RELN: variants seen among roughly 807,000 people sequenced by gnomAD.
The protein encoded by RELN is reelin.
A neutral mutation model predicts 427.6 loss-of-function variants in RELN; 108 were observed. The observed-to-expected ratio is 0.25, with a 90% confidence interval of 0.22 to 0.30. The LOEUF is 0.30. Ranked by LOEUF, RELN falls within the 10% of genes least tolerant of loss-of-function variation. RELN has a pLI of 1.00. For synonymous variants in RELN, 1,524 were observed against 1,513.4 expected (o/e 1.01, Z -0.16); for missense variants, 3,715 against 4,302.8 (o/e 0.86, Z 3.82).
intron 46 of RELN, among the ~76,000 whole-genome samples, chr7:103,527,699 C>A (rs1163741059): frequency 6.6e-6 from 1 of 152,188 alleles, no homozygotes; most frequent in Non-Finnish European, 1.5e-5. Flanking sequence ...AAGCCAAGAC[C>A]CTTCCTTTAT....
At chr7:103,710,488 T>C (rs1028511693) in intron 8 of RELN, among the ~76,000 whole-genome samples, 1 of 152,232 alleles carries the variant, frequency 6.6e-6, no homozygotes, top group African/African-American at 2.4e-5. Flanking sequence ...ATAATGATGA[T>C]ACACTATTTA....
intron 10 of RELN, among the ~76,000 whole-genome samples, chr7:103,695,205 C>A (rs530705344): frequency 2.6e-5 from 4 of 152,194 alleles, no homozygotes; most frequent in Non-Finnish European, 5.9e-5. Context: ...AATCACTTGG[C>A]AAAAGCAATT....
intron 4 of RELN, among the ~76,000 whole-genome samples, chr7:103,762,541 C>A (rs2116138018): frequency 6.6e-6 from 1 of 152,332 alleles, no homozygotes; most frequent in South Asian, 2.1e-4. Context: ...CTGCAAATTC[C>A]TGTGAGTAGA....
chr7:103,598,199 G>A (rs1393707045), intron 24 of RELN, among the ~76,000 whole-genome samples: 1 of 152,076 alleles, frequency 6.6e-6, no homozygotes, highest in East Asian at 1.9e-4. Flanking sequence ...AATAAACAAG[G>A]GTGCTAGCAA....
At chr7:103,826,985 G>A (rs781454933) in intron 3 of RELN, among the ~76,000 whole-genome samples, 6 of 140,808 alleles carry the variant, frequency 4.3e-5, no homozygotes, top group Non-Finnish European at 9.2e-5. Flanking sequence ...GGAAGAGGTT[G>A]TTTTGCTATA....
At chr7:103,616,618 G>A (rs550187071) in intron 20 of RELN, among the ~76,000 whole-genome samples, 24 of 152,096 alleles carry the variant, frequency 1.6e-4, no homozygotes, top group Non-Finnish European at 3.5e-4. Flanking sequence ...GTACAGTTAT[G>A]TTTTGGTAAA....
intron 4 of RELN, among the ~76,000 whole-genome samples, chr7:103,764,189 C>T (rs899429299): frequency 1.3e-5 from 2 of 152,144 alleles, no homozygotes; most frequent in South Asian, 2.1e-4. Flanking sequence ...CTAACATCTA[C>T]GGAGTATGTG....
chr7:103,502,399 T>C (rs1434854589), intron 52 of RELN, among the ~76,000 whole-genome samples: 1 of 152,248 alleles, frequency 6.6e-6, no homozygotes, highest in Non-Finnish European at 1.5e-5. Context: ...TGTTATTTTC[T>C]TTTGTGTATC....
At chr7:103,744,441 C>CA (rs1193871727) in intron 6 of RELN, among the ~76,000 whole-genome samples, 3 of 151,812 alleles carry the variant, frequency 2.0e-5, no homozygotes, top group South Asian at 2.1e-4. Flanking sequence ...AATGGAGACA[C>CA]AAAAAAACCC....
intron 20 of RELN, among the ~76,000 whole-genome samples, chr7:103,619,878 G>C (rs1407986704): frequency 2.6e-5 from 4 of 151,200 alleles, no homozygotes; most frequent in African/African-American, 9.7e-5. Flanking sequence ...ATGTGTGTTT[G>C]TGTGTGTGTG....
At position 103,561,865 on chromosome 7, in the gene RELN, C is replaced by T. The variant is rs774259446; in HGVS notation, c.5299G>A (p.Gly1767Arg). 6.2e-7 allele frequency: 1 copy of T among 1,613,270 alleles called. No individual in the cohort carries two copies. ...CGTCCTGAGCACATCCAAGGGCACC[C>T]TGAGGCCAGTACAACATTATCAATC... ...WAIDNVVLAS[G>R]CPWMCSGRGI... The change falls in exon 35 of 65, where the codon GGG (glycine) becomes AGG (arginine). Residue 1767 changes from glycine to arginine, a missense_variant. By Grantham distance (125) the Gly-to-Arg change is moderately radical. Transcript: ENST00000428762.
At chr7:103,862,784 CTG>C (rs1794102776) in intron 2 of RELN, among the ~76,000 whole-genome samples, 1 of 152,122 alleles carries the variant, frequency 6.6e-6, no homozygotes, top group African/African-American at 2.4e-5. Flanking sequence ...AGCCAGGACA[CTG>C]TCTTCCAGCA....
At chr7:103,589,491 G>A (rs978669805) in intron 28 of RELN, 105 bp downstream of exon 28, 6 of 786,624 alleles carry the variant, frequency 7.6e-6, no homozygotes, top group Non-Finnish European at 1.3e-5. Context: ...TCCCAGAATT[G>A]TATTTTCGGG....
chr7:103,940,348 T>C (rs1796085535), intron 1 of RELN, among the ~76,000 whole-genome samples: 1 of 152,226 alleles, frequency 6.6e-6, no homozygotes, highest in South Asian at 2.1e-4. Flanking sequence ...GAAGGCTGTA[T>C]GGTCCGTTAT....
intron 6 of RELN, among the ~76,000 whole-genome samples, chr7:103,745,614 C>T (rs1461285337): frequency 3.1e-4 from 47 of 151,604 alleles, no homozygotes; most frequent in African/African-American, 1.1e-3. Flanking sequence ...CATTCTTATG[C>T]ACCAATAACA....
intron 51 of RELN, among the ~76,000 whole-genome samples, chr7:103,507,792 C>A (rs909759115): frequency 6.6e-6 from 1 of 151,222 alleles, no homozygotes; most frequent in African/African-American, 2.4e-5. Flanking sequence ...ACTAGTGAGA[C>A]GAATAAGGAA....
At chr7:103,923,963 T>G (rs775984758) in intron 1 of RELN, among the ~76,000 whole-genome samples, 2 of 152,188 alleles carry the variant, frequency 1.3e-5, no homozygotes, top group East Asian at 3.9e-4. Flanking sequence ...ATTACTATAA[T>G]TATACCCCTT....
chr7:103,914,039 G>A (rs1356958792), intron 2 of RELN, among the ~76,000 whole-genome samples: 2 of 152,186 alleles, frequency 1.3e-5, no homozygotes, highest in Non-Finnish European at 2.9e-5. Context: ...GGTTGCCTGT[G>A]AGAGGAAGGC....
intron 4 of RELN, among the ~76,000 whole-genome samples, chr7:103,770,045 G>A (rs1791525152): frequency 6.6e-6 from 1 of 151,752 alleles, no homozygotes; most frequent in South Asian, 2.1e-4. Flanking sequence ...CCCTACCCCA[G>A]TCACCAAATA....
Sources: allele counts gnomAD v4.1 joint callset (sites outside exome capture counted in the v4.1 genomes callset), GRCh38; gene constraint gnomAD v4.1.1; transcripts MANE v1.5; gene names NCBI Gene and HGNC (gene_info 2026-07-23, HGNC 2026-07-21).